LRP1B: variants seen among roughly 807,000 people sequenced by gnomAD.
The protein encoded by LRP1B is LDL receptor related protein 1B, also known as low-density lipoprotein receptor-related protein 1B.
In LRP1B, 217 loss-of-function variants were observed where a neutral mutation model predicts 556.6. The ratio of observed to expected loss-of-function variants is 0.39; its 90% CI spans 0.35 to 0.44. The LOEUF (loss-of-function observed/expected upper bound fraction) is 0.44, where lower values mean the gene tolerates loss of function less well. Ranked by LOEUF, LRP1B falls within the 20% of genes least tolerant of loss-of-function variation. The pLI is 1.00. For missense variants in LRP1B, 5,053 were observed against 5,620.8 expected (o/e 0.90, Z 3.23); for synonymous variants, 2,047 against 1,865.8 (o/e 1.10, Z -2.50).
chr2:142,062,707 C>A (rs1704966037), intron 1 of LRP1B, among the ~76,000 whole-genome samples: 1 of 151,678 alleles, frequency 6.6e-6, no homozygotes, highest in African/African-American at 2.4e-5. Flanking sequence ...TAAAATCAGA[C>A]AATCAGGGCC....
At chr2:140,724,365 T>C (rs1687516098) in intron 35 of LRP1B, among the ~76,000 whole-genome samples, 1 of 152,076 alleles carries the variant, frequency 6.6e-6, no homozygotes, top group South Asian at 2.1e-4. Flanking sequence ...AAATTAGATA[T>C]ACAGAACAAA....
At chr2:141,893,099 C>G (rs1009397638) in intron 1 of LRP1B, among the ~76,000 whole-genome samples, 2 of 152,146 alleles carry the variant, frequency 1.3e-5, no homozygotes, top group African/African-American at 4.8e-5. Flanking sequence ...CCTTCTGACT[C>G]ATTTTCTGTA....
At chr2:141,095,163 C>T (rs1234078293) in intron 7 of LRP1B, among the ~76,000 whole-genome samples, 1 of 151,858 alleles carries the variant, frequency 6.6e-6, no homozygotes, top group African/African-American at 2.4e-5. Flanking sequence ...TTGGATTTTT[C>T]AGCCTCCAGA....
chr2:141,204,034 G>C (rs1682159222), intron 6 of LRP1B, among the ~76,000 whole-genome samples: 1 of 152,046 alleles, frequency 6.6e-6, no homozygotes, highest in Non-Finnish European at 1.5e-5. Context: ...TTAAAGCAGA[G>C]TGTAGAGGGA....
chr2:141,215,763 G>A lies in LRP1B; in HGVS notation c.850+13420C>T, dbSNP rs534953574. Among the ~76,000 whole-genome samples the A allele has an allele frequency of 2.6e-5, 4 of 152,324 alleles. No individual in the cohort carries two copies. In the South Asian group the frequency reaches 8.3e-4, roughly 32 times the overall value. On this transcript the variant is annotated intron_variant, in intron 6 of 90. Transcript: ENST00000389484. Reference sequence around the variant, plus strand: ...GGTATCTGGCAGAAAAAACTTCTAAGCAGCAAAGCATTCAAGATGTGTCCT... The same window carrying A: ...GGTATCTGGCAGAAAAAACTTCTAAACAGCAAAGCATTCAAGATGTGTCCT...
rs1299815223 is a variant in LRP1B, at chr2:140,350,947, A to C, written c.11742T>G (p.Ile3914Met). The change falls in exon 77 of 91, where the codon ATT (isoleucine) becomes ATG (methionine). Residue 3914 changes from isoleucine to methionine, a missense_variant. Coordinates refer to ENST00000389484, the MANE Select transcript of LRP1B (RefSeq NM_018557.3). ...TTCTTGAATTATGTTCAATATGAGA[A>C]ATTTGTTGATGATCGCCACTGTAGT... ...PFNYSGDHQQ[I>M]SHIEHNSRIT... is the part of the protein sequence containing the mutation. 6.2e-7 allele frequency: 1 copy of C among 1,610,750 alleles called. No homozygotes were observed. Among genetic ancestry groups the C allele is most frequent in the Non-Finnish European group, 8.5e-7 (1 of 1,177,570 alleles).
At chr2:140,754,360 T>G (rs1265062781) in intron 35 of LRP1B, among the ~76,000 whole-genome samples, 1 of 152,148 alleles carries the variant, frequency 6.6e-6, no homozygotes. Context: ...CTGCCAGAAT[T>G]TAATTGTATC....
At chr2:141,772,550 C>T (rs929773503) in intron 2 of LRP1B, among the ~76,000 whole-genome samples, 4 of 152,128 alleles carry the variant, frequency 2.6e-5, no homozygotes, top group East Asian at 1.9e-4. Flanking sequence ...TAGGGTCCGG[C>T]GCTGGTGGAT....
chr2:141,205,252 A>G (rs1448340400), intron 6 of LRP1B, among the ~76,000 whole-genome samples: 1 of 152,300 alleles, frequency 6.6e-6, no homozygotes, highest in East Asian at 1.9e-4. Context: ...TAAGTGCTAC[A>G]TTCAATATGA....
chr2:140,291,890 C>T (rs981627032), intron 84 of LRP1B, among the ~76,000 whole-genome samples: 4 of 152,150 alleles, frequency 2.6e-5, no homozygotes, highest in Non-Finnish European at 4.4e-5. Flanking sequence ...ACCACACTGT[C>T]TTCCACAATG....
chr2:140,520,817 A>AAAAAAAAAAG (rs1298743077), intron 49 of LRP1B, among the ~76,000 whole-genome samples: 1 of 134,228 alleles, frequency 7.5e-6, no homozygotes. Flanking sequence ...AAAAAAAAGA[A>AAAAAAAAAAG]AATTCAGGAT....
At chr2:140,459,533 A>C (rs1288576038) in intron 60 of LRP1B, among the ~76,000 whole-genome samples, 3 of 152,220 alleles carry the variant, frequency 2.0e-5, no homozygotes, top group Non-Finnish European at 4.4e-5. Flanking sequence ...TATTGTAAGA[A>C]TCTGCCAATT....
chr2:141,467,295 C>T (rs1288392839), intron 3 of LRP1B, among the ~76,000 whole-genome samples: 1 of 147,964 alleles, frequency 6.8e-6, no homozygotes, highest in Non-Finnish European at 1.5e-5. Flanking sequence ...TTTATAACTT[C>T]GGAGGTTTGG....
intron 21 of LRP1B, among the ~76,000 whole-genome samples, 153 bp downstream of exon 21, chr2:140,922,812 C>T (rs181533418): frequency 2.0e-5 from 3 of 152,034 alleles, no homozygotes; most frequent in Admixed American, 2.0e-4. Flanking sequence ...ATTGATAGTT[C>T]TCCCTAAATG....
intron 43 of LRP1B, among the ~76,000 whole-genome samples, chr2:140,572,005 G>A (rs1353669700): frequency 4.0e-5 from 6 of 151,562 alleles, no homozygotes; most frequent in Non-Finnish European, 8.9e-5. Context: ...ATGGATTAAA[G>A]ACTTAAATGT....
intron 32 of LRP1B, among the ~76,000 whole-genome samples, chr2:140,811,507 A>C (rs1690924202): frequency 6.6e-6 from 1 of 152,148 alleles, no homozygotes; most frequent in African/African-American, 2.4e-5. Flanking sequence ...ATATTATTCA[A>C]GATTTTTAAC....
intron 1 of LRP1B, among the ~76,000 whole-genome samples, chr2:142,111,950 GAGGTCACAGTGCTA>G (rs1707002852): frequency 1.3e-5 from 2 of 152,178 alleles, no homozygotes; most frequent in South Asian, 4.1e-4. Context: ...TAATTGATCA[GAGGTCACAGTGCTA>G]TATAAGTGCA....
chr2:141,826,450 C>A (rs1006623108), intron 1 of LRP1B, among the ~76,000 whole-genome samples: 5 of 149,590 alleles, frequency 3.3e-5, no homozygotes, highest in Admixed American at 6.8e-5. Flanking sequence ...AGCTCCGCCT[C>A]CTGGGTTCAC....
At chr2:140,303,093 T>C (rs952667720) in intron 83 of LRP1B, among the ~76,000 whole-genome samples, 1 of 147,962 alleles carries the variant, frequency 6.8e-6, no homozygotes, top group Admixed American at 6.8e-5. Flanking sequence ...TTTTTCTTTG[T>C]ATGATACAAA....
Sources: gnomAD v4.1 joint callset for allele counts (sites outside exome capture counted in the v4.1 genomes callset) on GRCh38, gnomAD v4.1.1 for gene constraint, MANE v1.5 for transcripts, NCBI Gene and HGNC (gene_info 2026-07-23, HGNC 2026-07-21) for gene names.